The following KCNIP1 variants were observed in gnomAD, a reference collection of about 807,000 sequenced individuals.
The protein encoded by KCNIP1 is A-type potassium channel modulatory protein KCNIP1.
In KCNIP1, 18 loss-of-function variants were observed where a neutral mutation model predicts 33.0. The observed-to-expected ratio is 0.55, with a 90% CI of 0.38 to 0.81. The LOEUF (loss-of-function observed/expected upper bound fraction) is 0.81. Ranked by LOEUF, KCNIP1 falls within the 30% of genes least tolerant of loss-of-function variation. The pLI, the probability that KCNIP1 is intolerant of heterozygous loss-of-function variation, is 0.00. For missense variants in KCNIP1, 238 were observed against 271.6 expected (o/e 0.88, Z 0.87); for synonymous variants, 93 against 98.3 (o/e 0.95, Z 0.32).
chr5:170,701,329 T>C (rs958236485), intron 1 of KCNIP1, among the ~76,000 whole-genome samples: 7 of 152,172 alleles, frequency 4.6e-5, no homozygotes, highest in African/African-American at 1.7e-4. Context: ...GTAAATCACC[T>C]TGGGACTTAA....
At chr5:170,437,860 G>A (rs1413057333) in intron 1 of KCNIP1, among the ~76,000 whole-genome samples, 1 of 152,210 alleles carries the variant, frequency 6.6e-6, no homozygotes, top group Non-Finnish European at 1.5e-5. Context: ...GCAGCCCTGA[G>A]GTGATCTCCT....
intron 1 of KCNIP1, among the ~76,000 whole-genome samples, chr5:170,384,952 G>C (rs1050690623): frequency 3.3e-5 from 5 of 152,228 alleles, no homozygotes; most frequent in African/African-American, 1.2e-4. Context: ...AGAGGGGAGA[G>C]AATTATGCAG....
chr5:170,566,351 C>A (rs1465774260), intron 1 of KCNIP1, among the ~76,000 whole-genome samples: 1 of 152,170 alleles, frequency 6.6e-6, no homozygotes, highest in Non-Finnish European at 1.5e-5. Context: ...CCTCAGCCTC[C>A]CAAAGTGCTG....
intron 1 of KCNIP1, among the ~76,000 whole-genome samples, chr5:170,588,346 G>A (rs764725674): frequency 1.3e-5 from 2 of 152,130 alleles, no homozygotes; most frequent in African/African-American, 2.4e-5. Flanking sequence ...CAGCTGCCTC[G>A]CATCAGGGCC....
At chr5:170,700,882 A>G (rs1203315852) in intron 1 of KCNIP1, among the ~76,000 whole-genome samples, 1 of 152,222 alleles carries the variant, frequency 6.6e-6, no homozygotes, top group Non-Finnish European at 1.5e-5. Flanking sequence ...ATTGTTGGTG[A>G]CAAGCACAAA....
At chr5:170,400,533 AG>A (rs1209927996) in intron 1 of KCNIP1, among the ~76,000 whole-genome samples, 3 of 152,138 alleles carry the variant, frequency 2.0e-5, no homozygotes, top group Middle Eastern at 3.2e-3. Flanking sequence ...GGGGACACAG[AG>A]CCTAGCCATA....
chr5:170,607,450 T>C (rs1758969880), intron 1 of KCNIP1, among the ~76,000 whole-genome samples: 2 of 152,148 alleles, frequency 1.3e-5, no homozygotes, highest in Non-Finnish European at 2.9e-5. Flanking sequence ...CTGGGGGCCT[T>C]TCCTACTTCT....
At chr5:170,567,089 C>T (rs916615907) in intron 1 of KCNIP1, among the ~76,000 whole-genome samples, 1 of 152,168 alleles carries the variant, frequency 6.6e-6, no homozygotes, top group Non-Finnish European at 1.5e-5. Flanking sequence ...GCCTGAAGTG[C>T]AGGGGAAGGC....
intron 1 of KCNIP1, among the ~76,000 whole-genome samples, chr5:170,617,382 C>A (rs986467120): frequency 1.3e-5 from 2 of 151,998 alleles, no homozygotes; most frequent in East Asian, 3.9e-4. Context: ...AGCTGGACCA[C>A]TGTCAGGTTT....
chr5:170,695,919 T>C (rs1477873403), intron 1 of KCNIP1, among the ~76,000 whole-genome samples: 1 of 151,032 alleles, frequency 6.6e-6, no homozygotes, highest in African/African-American at 2.4e-5. Flanking sequence ...CTTGGAAGGC[T>C]GAGGCAGGAG....
In KCNIP1 at chr5:170,550,948, C is replaced by T. The variant is rs1212703993; in HGVS notation, c.61+46315C>T. ...AGCTCATCCTTTAATTTCTTTGGAA[C>T]AGGGCTTAACCTTTCTCAACAGCCC... is the stretch of plus-strand genomic sequence containing the variant. On this transcript the variant is annotated intron_variant, in intron 1 of 7. Transcript: ENST00000328939. Among the ~76,000 whole-genome samples, 5 of 152,288 alleles carry T rather than the reference C, an allele frequency of 3.3e-5. No individual in the cohort carries two copies. The East Asian group carries it at 9.7e-4, about 29-fold the overall frequency.
At chr5:170,390,511 AAAACAAAT>A (rs1358881284) in intron 1 of KCNIP1, among the ~76,000 whole-genome samples, 18 of 62,340 alleles carry the variant, frequency 2.9e-4, no homozygotes, top group South Asian at 7.6e-4. Flanking sequence ...TCAAAAAAAA[AAAACAAAT>A]ATATATATAT....
At chr5:170,410,861 T>C (rs1755168130) in intron 1 of KCNIP1, among the ~76,000 whole-genome samples, 1 of 152,114 alleles carries the variant, frequency 6.6e-6, no homozygotes, top group Non-Finnish European at 1.5e-5. Flanking sequence ...AGGAGGATGG[T>C]GGAACAGGGC....
intron 1 of KCNIP1, among the ~76,000 whole-genome samples, chr5:170,464,752 A>G (rs2113116921): frequency 1.3e-5 from 2 of 152,262 alleles, no homozygotes; most frequent in Admixed American, 1.3e-4. Flanking sequence ...TTTCTTCGAC[A>G]CAGGACCTGT....
At chr5:170,702,693 T>C (rs1244673086) in intron 1 of KCNIP1, among the ~76,000 whole-genome samples, 1 of 152,172 alleles carries the variant, frequency 6.6e-6, no homozygotes, top group Non-Finnish European at 1.5e-5. Flanking sequence ...GGTGGTCCCT[T>C]GAGGTTCCAA....
At chr5:170,378,624 G>A in intron 1 of KCNIP1, 2 of 1,428,272 alleles carry the variant, frequency 1.4e-6, no homozygotes, top group Non-Finnish European at 1.9e-6. Context: ...AGAAGGCATT[G>A]TGCTGCAAGT....
At chr5:170,479,432 T>C (rs1036109325) in intron 1 of KCNIP1, among the ~76,000 whole-genome samples, 5 of 152,220 alleles carry the variant, frequency 3.3e-5, no homozygotes, top group African/African-American at 1.2e-4. Flanking sequence ...TTCACTCTTC[T>C]TACAAGGATA....
chr5:170,613,343 A>G (rs915870967), intron 1 of KCNIP1, among the ~76,000 whole-genome samples: 3 of 152,232 alleles, frequency 2.0e-5, no homozygotes, highest in African/African-American at 7.2e-5. Flanking sequence ...AAAATAGCTA[A>G]TAATTAGACA....
chr5:170,725,155 C>T (rs1349654934), intron 5 of KCNIP1, among the ~76,000 whole-genome samples: 1 of 152,134 alleles, frequency 6.6e-6, no homozygotes, highest in African/African-American at 2.4e-5. Flanking sequence ...ACCATATGAT[C>T]CAACAATCCC....
Sources: allele counts gnomAD v4.1 joint callset (sites outside exome capture counted in the v4.1 genomes callset), GRCh38; gene constraint gnomAD v4.1.1; transcripts MANE v1.5; gene names NCBI Gene and HGNC (gene_info 2026-07-23, HGNC 2026-07-21).